The following DCAF13 variants were observed in gnomAD, a reference collection of about 807,000 sequenced individuals.
The protein encoded by DCAF13 is DDB1 and CUL4 associated factor 13, also known as DDB1- and CUL4-associated factor 13.
In DCAF13, 38 loss-of-function variants were observed where a neutral mutation model predicts 59.0. That is an observed-to-expected ratio of 0.64 (90% confidence interval 0.50 to 0.84). The LOEUF (loss-of-function observed/expected upper bound fraction) is 0.84, where lower values mean the gene tolerates loss of function less well. Among genes scored for constraint, DCAF13 ranks in the 40% least tolerant of loss-of-function variants. The pLI is 0.00. For missense variants in DCAF13, 469 were observed against 558.4 expected (o/e 0.84, Z 1.61); for synonymous variants, 173 against 175.0 (o/e 0.99, Z 0.09).
chr8:103,417,314 C>G (rs1816634544), intron 1 of DCAF13, among the ~76,000 whole-genome samples: 1 of 151,780 alleles, frequency 6.6e-6, no homozygotes, highest in Non-Finnish European at 1.5e-5. Context: ...ACCTTTAAAT[C>G]TATCACAGTG....
chr8:103,432,598 A>T, intron 6 of DCAF13, 61 bp from the exon 7 acceptor site: 1 of 1,066,556 alleles, frequency 9.4e-7, no homozygotes, highest in Non-Finnish European at 1.4e-6. Context: ...ATATTTGCTT[A>T]AATCAGTGGG....
At position 103,442,873 on chromosome 8, in the gene DCAF13, T is replaced by A; in HGVS notation, c.1329T>A (p.Val443=). The change falls in exon 11 of 11, where the codon GTT becomes GTA. Residue 443 remains valine, a synonymous_variant. Coordinates refer to ENST00000612750, the MANE Select transcript of DCAF13 (RefSeq NM_015420.7). ...VSEKKKHVVA[V]VK ...AGAAGAAGAAACACGTAGTGGCAGT[T>A]GTAAAATAATTGGTATTCCTAACAA... 1 of 1,600,740 alleles carries A rather than the reference T, an allele frequency of 6.2e-7. No individual in the cohort carries two copies. The highest frequency in any genetic ancestry group is 1.7e-5 in the Admixed American group (1 of 58,708).
At chr8:103,428,657 A>G (rs547324001) in intron 5 of DCAF13, 3 of 152,248 alleles carry the variant, frequency 2.0e-5, no homozygotes, top group African/African-American at 7.2e-5. Context: ...ACATATGTGA[A>G]CATTTTTTAA....
chr8:103,418,749 G>C (rs751255616), intron 1 of DCAF13, among the ~76,000 whole-genome samples: 1 of 143,678 alleles, frequency 7.0e-6, no homozygotes, highest in Non-Finnish European at 1.5e-5. Flanking sequence ...AAGTCATGGG[G>C]TAAGAAGATG....
At chr8:103,434,684 T>A (rs2130492574) in intron 7 of DCAF13, among the ~76,000 whole-genome samples, 1 of 152,226 alleles carries the variant, frequency 6.6e-6, no homozygotes, top group Non-Finnish European at 1.5e-5. Flanking sequence ...CATCTTCAAG[T>A]ATTTTTATAT....
At chr8:103,418,138 GAAA>G (rs778860828) in intron 1 of DCAF13, among the ~76,000 whole-genome samples, 1 of 147,316 alleles carries the variant, frequency 6.8e-6, no homozygotes, top group Non-Finnish European at 1.5e-5. Context: ...AAAAAAAAAA[GAAA>G]AAAAAAGACA....
intron 3 of DCAF13, among the ~76,000 whole-genome samples, chr8:103,424,943 G>A (rs1816769461): frequency 6.6e-6 from 1 of 152,188 alleles, no homozygotes; most frequent in Non-Finnish European, 1.5e-5. Flanking sequence ...TAACAAGGAT[G>A]TAGTTAAGGA....
intron 4 of DCAF13, 41 bp downstream of exon 4, chr8:103,426,186 C>A: frequency 2.5e-6 from 3 of 1,196,928 alleles, no homozygotes; most frequent in Non-Finnish European, 3.6e-6. Flanking sequence ...TATTAACATT[C>A]TTTTATTTAA....
intron 5 of DCAF13, 171 bp downstream of exon 5, chr8:103,427,423 T>C (rs1816809729): frequency 3.2e-6 from 2 of 631,022 alleles, no homozygotes; most frequent in South Asian, 4.2e-5. Context: ...AATCCCAACA[T>C]GTTTCCCAGC....
intron 1 of DCAF13, among the ~76,000 whole-genome samples, chr8:103,417,542 T>C (rs1039557171): frequency 2.7e-5 from 4 of 148,386 alleles, no homozygotes; most frequent in Non-Finnish European, 5.9e-5. Flanking sequence ...CTCAGGAGGC[T>C]GAGGCGGGAG....
At chr8:103,434,151 T>C (rs866685426) in intron 7 of DCAF13, among the ~76,000 whole-genome samples, 1 of 152,092 alleles carries the variant, frequency 6.6e-6, no homozygotes, top group South Asian at 2.1e-4. Flanking sequence ...TTTTTTTCTT[T>C]TATTGCCCTT....
At chr8:103,421,824 C>T (rs1816726640) in intron 3 of DCAF13, among the ~76,000 whole-genome samples, 1 of 152,192 alleles carries the variant, frequency 6.6e-6, no homozygotes, top group Admixed American at 6.5e-5. Context: ...GGCTAAATAA[C>T]ATTCCATTGT....
chr8:103,441,570 A>G lies in DCAF13; in HGVS notation c.1202A>G (p.Tyr401Cys), dbSNP rs144723655. The G allele has an allele frequency of 7.5e-6, 12 of 1,609,924 alleles. No individual in the cohort carries two copies. Among genetic ancestry groups the G allele is most frequent in the African/African-American group, 1.3e-5 (1 of 74,618 alleles). ...CATCGACATCTACCAAAATCTATCT[A>G]TAGCCAGATTCAGGAACAGCGCATC... Reference protein sequence around the residue: ...ARHRHLPKSIYSQIQEQRIMK... With the variant: ...ARHRHLPKSICSQIQEQRIMK... The change falls in exon 10 of 11, where the codon TAT (tyrosine) becomes TGT (cysteine). Residue 401 changes from tyrosine to cysteine, a missense_variant. Transcript: ENST00000612750.
intron 5 of DCAF13, 149 bp downstream of exon 5, chr8:103,427,401 T>C (rs72675468): frequency 0.019 from 13,153 of 683,910 alleles, 155 homozygotes; most frequent in Middle Eastern, 0.041. Flanking sequence ...TGAGTTCTGA[T>C]ACCTTTGCTC....
At chr8:103,428,995 A>C (rs1816828426) in intron 5 of DCAF13, 1 of 152,068 alleles carries the variant, frequency 6.6e-6, no homozygotes, top group Non-Finnish European at 1.5e-5. Flanking sequence ...AACTTAATGG[A>C]AAGGGCATGT....
At position 103,432,656 on chromosome 8, in the gene DCAF13, C is replaced by T. The variant is rs1039068035; in HGVS notation, c.703-3C>T. 2.0e-5 allele frequency: 32 copies of T among 1,566,860 alleles called. No individual in the cohort carries two copies. The highest frequency in any genetic ancestry group is 2.6e-5 in the Non-Finnish European group (30 of 1,142,878). On this transcript the variant is annotated splice_region_variant and splice_polypyrimidine_tract_variant and intron_variant, in intron 6 of 10. Coordinates refer to ENST00000612750, the MANE Select transcript of DCAF13 (RefSeq NM_015420.7). ...GGAAATTCATCCATTCTTCCTTTCT[C>T]AGGTTATCTTAGATATGAGAACAAA...
Position 103,432,678 on chromosome 8 carries a change from C to A in DCAF13, c.722C>A (p.Thr241Lys). Reference sequence around the variant, plus strand: ...TCTCAGGTTATCTTAGATATGAGAACAAATACAATCTGTTGGAACCCTATG... The same window carrying A: ...TCTCAGGTTATCTTAGATATGAGAAAAAATACAATCTGTTGGAACCCTATG... Reference protein sequence around the residue: ...PLKKVILDMRTNTICWNPMEA... With the variant: ...PLKKVILDMRKNTICWNPMEA... Residue 241 changes from threonine to lysine, a missense_variant, in exon 7 of 11, where the codon ACA (threonine) becomes AAA (lysine). Thr to Lys is a moderately conservative substitution (Grantham distance 78). This residue lies in a region of DCAF13 where 355 missense variants were observed against 399.1 expected (regional missense o/e 0.89). Transcript: ENST00000612750. 6.2e-7 allele frequency: 1 copy of A among 1,600,058 alleles called. No individual in the cohort carries two copies. Among genetic ancestry groups the A allele is most frequent in the African/African-American group, 1.3e-5 (1 of 74,708 alleles).
At chr8:103,417,029 A>G (rs1244028106) in intron 1 of DCAF13, among the ~76,000 whole-genome samples, 1 of 152,208 alleles carries the variant, frequency 6.6e-6, no homozygotes, top group Non-Finnish European at 1.5e-5. Flanking sequence ...AACGTGGCCA[A>G]TTATGGACAT....
At chr8:103,440,091 C>A in intron 8 of DCAF13, 45 bp from the exon 9 acceptor site, 1 of 1,299,242 alleles carries the variant, frequency 7.7e-7, no homozygotes, top group Non-Finnish European at 1.0e-6. Context: ...TACTCAAAAT[C>A]TGTACCAAAA....
Sources: allele counts gnomAD v4.1 joint callset (sites outside exome capture counted in the v4.1 genomes callset), GRCh38; gene constraint gnomAD v4.1.1; regional missense constraint gnomAD v4.1.1; transcripts MANE v1.5; gene names NCBI Gene and HGNC (gene_info 2026-07-23, HGNC 2026-07-21).